The following CSMD1 variants were observed in gnomAD, a reference collection of about 807,000 sequenced individuals.
CSMD1 encodes CUB and sushi domain-containing protein 1.
A neutral mutation model predicts 417.5 loss-of-function variants in CSMD1; 213 were observed. The ratio of observed to expected loss-of-function variants is 0.51; its 90% CI spans 0.46 to 0.57. CSMD1 has a LOEUF of 0.57. Among genes scored for constraint, CSMD1 ranks in the 20% least tolerant of loss-of-function variants. The probability of loss-of-function intolerance (pLI) is 0.00; values close to 1 mark genes in which losing one functional copy is unlikely to be tolerated. For synonymous variants in CSMD1, 2,862 were observed against 1,736.8 expected, an observed-to-expected ratio of 1.65 and a Z score of -16.11; for missense variants, 6,923 against 4,529.7, an observed-to-expected ratio of 1.53 and a Z score of -15.17.
chr8:3,680,191 A>G (rs1050611025), intron 7 of CSMD1, among the ~76,000 whole-genome samples: 2 of 152,178 alleles, frequency 1.3e-5, no homozygotes, highest in Non-Finnish European at 1.5e-5. Context: ...AGATCAGAGC[A>G]GAAATGAAGG....
chr8:3,218,819 C>G (rs939690553), intron 29 of CSMD1, among the ~76,000 whole-genome samples: 1 of 151,978 alleles, frequency 6.6e-6, no homozygotes, highest in African/African-American at 2.4e-5. Context: ...TTGCAGCGAG[C>G]TGACATCGTG....
At chr8:4,020,456 G>C (rs532582370) in intron 4 of CSMD1, among the ~76,000 whole-genome samples, 1 of 152,152 alleles carries the variant, frequency 6.6e-6, no homozygotes, top group Non-Finnish European at 1.5e-5. Flanking sequence ...TATAGGATAG[G>C]GCTTGGTTAT....
At chr8:4,555,128 A>C (rs1367451370) in intron 2 of CSMD1, among the ~76,000 whole-genome samples, 1 of 152,224 alleles carries the variant, frequency 6.6e-6, no homozygotes, top group East Asian at 1.9e-4. Context: ...AAAGGTTTCA[A>C]TCGATGTGAA....
intron 3 of CSMD1, among the ~76,000 whole-genome samples, chr8:4,376,422 C>T (rs925150371): frequency 7.2e-5 from 11 of 152,068 alleles, no homozygotes; most frequent in Non-Finnish European, 1.3e-4. Context: ...ATATTTTTTT[C>T]TTTACGTTTC....
intron 1 of CSMD1, among the ~76,000 whole-genome samples, chr8:4,666,730 G>C (rs2130934981): frequency 6.6e-6 from 1 of 152,178 alleles, no homozygotes; most frequent in Non-Finnish European, 1.5e-5. Context: ...TGAGATTTGA[G>C]AGTTCTTCAT....
chr8:4,150,890 T>TAATAAATTA (rs74407091), intron 3 of CSMD1, among the ~76,000 whole-genome samples: 150,634 of 152,240 alleles, frequency 0.99, 74,535 homozygotes, highest in Middle Eastern at 1. Context: ...GAGAAACGCC[T>TAATAAATTA]GAGAAAGAGC....
At chr8:3,931,503 T>C (rs1209651614) in intron 5 of CSMD1, among the ~76,000 whole-genome samples, 1 of 150,268 alleles carries the variant, frequency 6.7e-6, no homozygotes, top group Non-Finnish European at 1.5e-5. Context: ...TAAAAGCTCA[T>C]ACTTTCTCCA....
chr8:4,880,338 A>C lies in CSMD1; in HGVS notation c.85+113994T>G, dbSNP rs1418072837. 3.3e-5 allele frequency among the ~76,000 whole-genome samples: 5 copies of C among 152,216 alleles called. No individual in the cohort carries two copies. The East Asian group carries it at 7.7e-4, about 24-fold the overall frequency. On this transcript the variant is annotated intron_variant, in intron 1 of 69. Coordinates refer to ENST00000635120, the MANE Select transcript of CSMD1 (RefSeq NM_033225.6). ...ACTGCAAACTCATAGGCTGCAGCTA[A>C]GATAGTCAAATTTACTTGACGTCTG... is the stretch of plus-strand genomic sequence containing the variant.
At chr8:3,708,854 A>C (rs1411353944) in intron 6 of CSMD1, among the ~76,000 whole-genome samples, 1 of 152,172 alleles carries the variant, frequency 6.6e-6, no homozygotes, top group East Asian at 1.9e-4. Context: ...TCCTGACTAC[A>C]GAGTTGTCTA....
rs141231555 is a variant in CSMD1 at position 4,114,466 on chromosome 8, G to T, written c.416-82367C>A. ...AAGAGCTTGGACAGAGATGCTTAAAGAGATTAATGTTGTCTTCATGCCAGC... is the reference window on the plus strand; with the variant it reads ...AAGAGCTTGGACAGAGATGCTTAAATAGATTAATGTTGTCTTCATGCCAGC... On this transcript the variant is annotated intron_variant, in intron 3 of 69. Transcript: ENST00000635120. Among the ~76,000 whole-genome samples the T allele has an allele frequency of 3.6e-3, 551 of 152,324 alleles. 5 individuals carry two copies. The highest frequency in any genetic ancestry group is 0.013 in the African/African-American group (520 of 41,574).
chr8:4,253,100 A>G (rs1368074045), intron 3 of CSMD1, among the ~76,000 whole-genome samples: 1 of 152,236 alleles, frequency 6.6e-6, no homozygotes, highest in Admixed American at 6.5e-5. Flanking sequence ...GGCAAAATCT[A>G]GGATTATCTG....
At chr8:3,993,084 G>A (rs1020377345) in intron 5 of CSMD1, among the ~76,000 whole-genome samples, 1 of 152,226 alleles carries the variant, frequency 6.6e-6, no homozygotes, top group African/African-American at 2.4e-5. Flanking sequence ...AAATCAAACA[G>A]AGTCTGAAAA....
At chr8:3,074,914 T>C (rs1813543724) in intron 49 of CSMD1, among the ~76,000 whole-genome samples, 1 of 152,202 alleles carries the variant, frequency 6.6e-6, no homozygotes, top group Non-Finnish European at 1.5e-5. Context: ...TGTTTAATTG[T>C]AATTCTCAGT....
chr8:3,711,207 G>C (rs899661955), intron 6 of CSMD1, among the ~76,000 whole-genome samples: 1 of 152,204 alleles, frequency 6.6e-6, no homozygotes. Flanking sequence ...TTTCCCAACA[G>C]TGTAGCTTAG....
Position 3,142,043 on chromosome 8 carries a change from C to T in CSMD1, c.6241+422G>A, listed in dbSNP as rs910940845. ...CGATCTCCTGACCTCGTGATCCGCCCGCCTCGGCCTTCCAAAGTGCTGGGA... is the reference window on the plus strand; with the variant it reads ...CGATCTCCTGACCTCGTGATCCGCCTGCCTCGGCCTTCCAAAGTGCTGGGA... On this transcript the variant is annotated intron_variant, in intron 41 of 69. Coordinates refer to ENST00000635120, the MANE Select transcript of CSMD1 (RefSeq NM_033225.6). Among the ~76,000 whole-genome samples the T allele has an allele frequency of 5.3e-5, 8 of 152,066 alleles. 1 individual carries two copies. The highest frequency in any genetic ancestry group is 5.2e-4 in the Admixed American group (8 of 15,268).
intron 3 of CSMD1, among the ~76,000 whole-genome samples, chr8:4,350,510 G>A (rs562490536): frequency 6.6e-6 from 1 of 152,146 alleles, no homozygotes; most frequent in African/African-American, 2.4e-5. Flanking sequence ...CCGCAGCAGT[G>A]AGCTCTCAGC....
At chr8:3,128,912 G>C (rs969579088) in intron 41 of CSMD1, 4 of 449,934 alleles carry the variant, frequency 8.9e-6, no homozygotes, top group Non-Finnish European at 1.8e-5. Context: ...TATTGCAAGA[G>C]ACAAAGGGAA....
rs145303706 is a variant in CSMD1, at chr8:4,310,518, A to G, written c.415+109435T>C. ...TTTGAAACTTCTTTTCTTCCACATT[A>G]AATAAAATATCTTTGGACACAATAA... On this transcript the variant is annotated intron_variant, in intron 3 of 69. Coordinates refer to ENST00000635120, the MANE Select transcript of CSMD1 (RefSeq NM_033225.6). Among the ~76,000 whole-genome samples, 135 of 94,596 alleles carry G rather than the reference A, an allele frequency of 1.4e-3. 1 individual carries two copies. The Middle Eastern group carries it at 0.049, about 35-fold the overall frequency. The allele number at this position is 94,596 out of a possible 152,430, so 62.1% of individuals were successfully genotyped here. A position where few individuals can be genotyped will look rare whatever the true frequency, so the allele number is the denominator to read the frequency against.
At chr8:4,286,584 C>G (rs1424301384) in intron 3 of CSMD1, among the ~76,000 whole-genome samples, 2 of 152,080 alleles carry the variant, frequency 1.3e-5, no homozygotes, top group African/African-American at 4.8e-5. Flanking sequence ...AAACCAGCAC[C>G]TGATAGCCTC....
Sources: allele counts gnomAD v4.1 joint callset (sites outside exome capture counted in the v4.1 genomes callset), GRCh38; gene constraint gnomAD v4.1.1; transcripts MANE v1.5; gene names NCBI Gene and HGNC (gene_info 2026-07-23, HGNC 2026-07-21).